DNAH6: variants seen among roughly 807,000 people sequenced by gnomAD.
The protein encoded by DNAH6 is axonemal beta dynein heavy chain 6.
In DNAH6, 340 loss-of-function variants were observed where a neutral mutation model predicts 491.4. The ratio of observed to expected loss-of-function variants is 0.69; its 90% CI spans 0.63 to 0.76. The LOEUF is 0.76. DNAH6 is among the 30% of genes least tolerant of loss of function. DNAH6 has a pLI of 0.00. For synonymous variants in DNAH6, 1,603 were observed against 1,686.1 expected, an observed-to-expected ratio of 0.95 and a Z score of 1.21; for missense variants, 4,443 against 4,972.2, an observed-to-expected ratio of 0.89 and a Z score of 3.20.
chr2:84,677,049 C>T lies in DNAH6; in HGVS notation c.6657C>T (p.Arg2219=). The change falls in exon 41 of 77, where the codon CGC becomes CGT. Residue 2219 remains arginine, a synonymous_variant. Transcript: ENST00000389394. ...CATGTGCACCTCCAGGCGGTGGCCG[C>T]AACCCTGTGACTCCCCGCTTCATCA... The part of the protein sequence containing the change: ...ISACAPPGGG[R]NPVTPRFIRH... 6 of 1,551,772 alleles carry T rather than the reference C, an allele frequency of 3.9e-6. No individual in the cohort carries two copies. The highest frequency in any genetic ancestry group is 4.4e-6 in the Non-Finnish European group (5 of 1,146,980).
At chr2:84,750,721 A>AATT (rs1558996454) in intron 63 of DNAH6, 1 of 152,114 alleles carries the variant, frequency 6.6e-6, no homozygotes, top group Non-Finnish European at 1.5e-5. Context: ...ATAGTAAAAA[A>AATT]ATATTTTGAC....
intron 11 of DNAH6, among the ~76,000 whole-genome samples, chr2:84,565,172 C>A (rs1302900478): frequency 6.6e-6 from 1 of 151,934 alleles, no homozygotes; most frequent in Non-Finnish European, 1.5e-5. Flanking sequence ...GTGTCTCTGC[C>A]AGATATTGGT....
the DNAH6 span, among the ~76,000 whole-genome samples, chr2:84,510,682 G>A: frequency 6.6e-6 from 1 of 152,132 alleles, no homozygotes; most frequent in Non-Finnish European, 1.5e-5. Context: ...TTTCTGCTCT[G>A]TTTTTTCCCC....
chr2:84,697,673 G>A lies in DNAH6; in HGVS notation c.7623G>A (p.Ala2541=), dbSNP rs1331434563. The A allele has an allele frequency of 1.7e-5, 26 of 1,551,780 alleles. No individual in the cohort carries two copies. The highest frequency in any genetic ancestry group is 7.3e-5 in the East Asian group (3 of 40,920). ...FEKDELEQVL[A]ATRPRAKEVG... is the part of the protein sequence containing the mutation. ...AGGATGAACTGGAGCAGGTTTTAGC[G>A]GCCACCAGACCAAGAGCAAAAGAAG... Residue 2541 remains alanine (A), a synonymous_variant, in exon 47 of 77, where the codon GCG becomes GCA. Transcript: ENST00000389394.
intron 61 of DNAH6, 54 bp from the exon 62 acceptor site, chr2:84,733,389 AG>A (rs1699272221): frequency 1.4e-6 from 2 of 1,479,040 alleles, no homozygotes; most frequent in East Asian, 4.9e-5. Flanking sequence ...ACAAAGTGAA[AG>A]TATATTTTGT....
At chr2:84,749,270 C>A (rs1205848833) in intron 63 of DNAH6, among the ~76,000 whole-genome samples, 3 of 152,036 alleles carry the variant, frequency 2.0e-5, no homozygotes, top group Non-Finnish European at 4.4e-5. Context: ...AATGCAAGAC[C>A]ATTGAGAGTG....
Position 84,518,037 on chromosome 2 carries a change from A to C in DNAH6, c.211A>C (p.Lys71Gln). 2 of 1,546,610 alleles carry C rather than the reference A, an allele frequency of 1.3e-6. No homozygotes were observed. Among genetic ancestry groups the C allele is most frequent in the South Asian group, 2.4e-5 (2 of 82,214 alleles). The stretch of plus-strand genomic sequence containing the variant: ...GACAAGAAAACGACAGCAGCCTATA[A>C]AACTAGAGCCTTTGGTAAGTTCAAA... The part of the protein sequence containing the change: ...EKTRKRQQPI[K>Q]LEPLPVLKVY... The change falls in exon 2 of 77, where the codon AAA becomes CAA. Residue 71 changes from lysine to glutamine, a missense_variant. Transcript: ENST00000389394.
Position 84,653,386 on chromosome 2 carries a change from A to G in DNAH6, c.5146A>G (p.Thr1716Ala). 6.4e-7 allele frequency: 1 copy of G among 1,550,802 alleles called. No individual in the cohort carries two copies. The highest frequency in any genetic ancestry group is 8.7e-7 in the Non-Finnish European group (1 of 1,146,434). Reference sequence around the variant, plus strand: ...ACATGATTATGGTATTTTACAATCAACAATTGTGGATGTCATGAATAGACA... The same window carrying G: ...ACATGATTATGGTATTTTACAATCAGCAATTGTGGATGTCATGAATAGACA... ...PEHDYGILQS[T>A]IVDVMNRQNL... The change falls in exon 34 of 77, where the codon ACA (threonine) becomes GCA (alanine). Residue 1716 changes from threonine to alanine, a missense_variant. Physicochemically the swap from Thr to Ala is moderately conservative, Grantham distance 58. Transcript: ENST00000389394.
At position 84,547,359 on chromosome 2, in the gene DNAH6, C is replaced by A. The variant is rs762808476; in HGVS notation, c.1022C>A (p.Thr341Asn). Residue 341 changes from threonine (T) to asparagine (N), a missense_variant, in exon 6 of 77, where the codon ACC (threonine) becomes AAC (asparagine). Coordinates refer to ENST00000389394, the MANE Select transcript of DNAH6 (RefSeq NM_001370.2). ...TATATTGAAAAGTGTCACACCTACA[C>A]CCTGCAGGAATTTAAGGCCGCACAA... The part of the protein sequence containing the change: ...LCYIEKCHTY[T>N]LQEFKAAQVI... 1 of 1,551,586 alleles carries A rather than the reference C, an allele frequency of 6.4e-7. No homozygotes were observed. The highest frequency in any genetic ancestry group is 1.4e-5 in the African/African-American group (1 of 73,016).
chr2:84,800,952 T>C (rs1313771051), intron 70 of DNAH6, among the ~76,000 whole-genome samples: 1 of 151,710 alleles, frequency 6.6e-6, no homozygotes, highest in African/African-American at 2.4e-5. Flanking sequence ...TGTAGGGACA[T>C]GGATGAAATT....
In DNAH6 at chr2:84,775,688, A is replaced by G. The variant is rs543863787; in HGVS notation, c.10704-5805A>G. 4.6e-5 allele frequency among the ~76,000 whole-genome samples: 7 copies of G among 152,112 alleles called. No homozygotes were observed. In the South Asian group the frequency reaches 1.0e-3, roughly 23 times the overall value. ...TATTCCCAATTCAATTTCATTACTC[A>G]TTATTGGTCTGTTCAGGATTTCTGT... On this transcript the variant is annotated intron_variant, in intron 64 of 76. Transcript: ENST00000389394.
At chr2:84,525,802 C>A in intron 3 of DNAH6, 64 bp downstream of exon 3, 2 of 1,202,088 alleles carry the variant, frequency 1.7e-6, no homozygotes, top group Non-Finnish European at 2.3e-6. Context: ...GCATTGCTAG[C>A]ATACTTTTAA....
chr2:84,582,417 G>A (rs1320530629), intron 14 of DNAH6, among the ~76,000 whole-genome samples: 1 of 152,112 alleles, frequency 6.6e-6, no homozygotes, highest in African/African-American at 2.4e-5. Context: ...TTCTGAATCA[G>A]ACACTCTCGG....
At chr2:84,670,641 A>G (rs796964568) in intron 39 of DNAH6, among the ~76,000 whole-genome samples, 166 bp downstream of exon 39, 3 of 152,326 alleles carry the variant, frequency 2.0e-5, no homozygotes, top group African/African-American at 7.2e-5. Context: ...TAGATGTCTT[A>G]GTGTTGCCAA....
At chr2:84,691,700 TG>T (rs1440708309) in intron 45 of DNAH6, among the ~76,000 whole-genome samples, 2 of 152,260 alleles carry the variant, frequency 1.3e-5, no homozygotes, top group Non-Finnish European at 2.9e-5. Context: ...AGCTTGGGTA[TG>T]TTTCAACAAA....
At chr2:84,685,255 A>C in intron 42 of DNAH6, 71 bp from the exon 43 acceptor site, 3 of 1,162,430 alleles carry the variant, frequency 2.6e-6, no homozygotes, top group Non-Finnish European at 3.4e-6. Context: ...AGGGTTTCCT[A>C]ATTAAACTAT....
intron 15 of DNAH6, 22 bp from the exon 16 acceptor site, chr2:84,588,804 A>C: frequency 6.6e-7 from 1 of 1,507,854 alleles, no homozygotes; most frequent in Non-Finnish European, 8.9e-7. Context: ...ATGGCTAACC[A>C]AAAACTGTCT....
chr2:84,818,546 C>T (rs1017962861), intron 76 of DNAH6, among the ~76,000 whole-genome samples: 14 of 146,420 alleles, frequency 9.6e-5, no homozygotes, highest in Non-Finnish European at 1.9e-4. Flanking sequence ...AATGTAGTCA[C>T]GCCTCTAGAT....
chr2:84,816,201 A>G (rs1460515800), intron 76 of DNAH6, 118 bp downstream of exon 76: 3 of 723,656 alleles, frequency 4.1e-6, no homozygotes, highest in Non-Finnish European at 6.7e-6. Flanking sequence ...TAGACTTAAA[A>G]TGAAGCCACC....
Sources: allele counts gnomAD v4.1 joint callset (sites outside exome capture counted in the v4.1 genomes callset), GRCh38; gene constraint gnomAD v4.1.1; transcripts MANE v1.5; gene names NCBI Gene and HGNC (gene_info 2026-07-23, HGNC 2026-07-21).